SH3RF2: variants seen among roughly 807,000 people sequenced by gnomAD.
SH3RF2 encodes E3 ubiquitin-protein ligase SH3RF2.
Under a neutral mutation model 59.0 loss-of-function variants are expected in SH3RF2, and 43 were observed. The ratio of observed to expected loss-of-function variants is 0.73; its 90% confidence interval spans 0.57 to 0.94. The LOEUF is 0.94. Ranked by LOEUF, SH3RF2 falls within the 40% of genes least tolerant of loss-of-function variation. SH3RF2 has a pLI of 0.00. For missense variants in SH3RF2, 930 were observed against 940.1 expected (o/e 0.99, Z 0.14); for synonymous variants, 391 against 391.5 (o/e 1.00, Z 0.01).
chr5:146,037,238 G>A (rs11167925), intron 5 of SH3RF2, among the ~76,000 whole-genome samples: 50,237 of 151,944 alleles, frequency 0.33, 8,831 homozygotes, highest in Non-Finnish European at 0.39. Context: ...GCCCCCTTTC[G>A]TAGATAAGGA....
intron 5 of SH3RF2, among the ~76,000 whole-genome samples, chr5:146,037,771 TTAAC>T (rs1252909961): frequency 3.9e-5 from 6 of 152,200 alleles, no homozygotes; most frequent in Admixed American, 2.0e-4. Flanking sequence ...AAGAGATAAT[TTAAC>T]TATTATATAA....
chr5:146,040,699 T>A (rs1468574112), intron 5 of SH3RF2, among the ~76,000 whole-genome samples: 1 of 152,024 alleles, frequency 6.6e-6, no homozygotes, highest in Non-Finnish European at 1.5e-5. Context: ...CATAAATGAG[T>A]TCTCTATCTC....
chr5:145,965,625 G>A (rs886199920), intron 2 of SH3RF2, among the ~76,000 whole-genome samples: 5 of 152,262 alleles, frequency 3.3e-5, no homozygotes, highest in African/African-American at 1.2e-4. Flanking sequence ...AAGAACGGAG[G>A]TAATTGGTGT....
Position 146,013,830 on chromosome 5 carries a change from G to A in SH3RF2, c.828G>A (p.Ser276=), listed in dbSNP as rs139780310. Residue 276 remains serine (S), a synonymous_variant, in exon 5 of 10, where the codon TCG becomes TCA. Coordinates refer to ENST00000359120, the MANE Select transcript of SH3RF2 (RefSeq NM_152550.4). ...CAAAAAACCTGTCCCTGGTGTCCTCGTCCTCCAGAGGCAACACGTCTACCC... is the reference window on the plus strand; with the variant it reads ...CAAAAAACCTGTCCCTGGTGTCCTCATCCTCCAGAGGCAACACGTCTACCC... ...SRTKNLSLVS[S]SSRGNTSTLR... 26 of 1,614,136 alleles carry A rather than the reference G, an allele frequency of 1.6e-5. No individual in the cohort carries two copies. The highest frequency in any genetic ancestry group is 2.2e-5 in the East Asian group (1 of 44,870).
chr5:146,028,297 A>G (rs1302898619), intron 5 of SH3RF2, among the ~76,000 whole-genome samples: 1 of 152,188 alleles, frequency 6.6e-6, no homozygotes, highest in Non-Finnish European at 1.5e-5. Context: ...ACAGGGTAGC[A>G]TTCTGGGAAC....
At chr5:145,982,427 G>A (rs1030879945) in intron 2 of SH3RF2, among the ~76,000 whole-genome samples, 2 of 152,206 alleles carry the variant, frequency 1.3e-5, no homozygotes, top group Admixed American at 1.3e-4. Context: ...TCCATGTCGA[G>A]AGGAGGCAAG....
chr5:146,056,056 C>A lies in SH3RF2; in HGVS notation c.1398C>A (p.Ser466=). ...TTWTLSTSSV[S]SQGSISEGDP... is the part of the protein sequence containing the mutation. ...GGACGTTATCCACCTCCTCTGTGTC[C>A]TCCCAAGGCAGCATTTCAGAAGGTG... Residue 466 remains serine, a synonymous_variant, in exon 8 of 10, where the codon TCC becomes TCA. Coordinates refer to ENST00000359120, the MANE Select transcript of SH3RF2 (RefSeq NM_152550.4). The A allele has an allele frequency of 6.2e-7, 1 of 1,614,226 alleles. No individual in the cohort carries two copies. Among genetic ancestry groups the A allele is most frequent in the Non-Finnish European group, 8.5e-7 (1 of 1,180,038 alleles).
intron 7 of SH3RF2, among the ~76,000 whole-genome samples, chr5:146,051,759 C>T (rs1459757314): frequency 6.6e-6 from 1 of 152,150 alleles, no homozygotes; most frequent in Non-Finnish European, 1.5e-5. Flanking sequence ...CAGTTGAATA[C>T]ATGAGTTTAG....
chr5:145,944,805 G>T (rs1407904310), intron 2 of SH3RF2, among the ~76,000 whole-genome samples: 1 of 151,992 alleles, frequency 6.6e-6, no homozygotes. Context: ...ATTGTCCATG[G>T]AACAAAATTT....
At chr5:146,055,457 G>A (rs1368230811) in intron 7 of SH3RF2, among the ~76,000 whole-genome samples, 1 of 152,346 alleles carries the variant, frequency 6.6e-6, no homozygotes, top group East Asian at 1.9e-4. Flanking sequence ...TAGCCAAAAT[G>A]ATGTGTCAGT....
chr5:146,057,968 C>A (rs779505206), intron 8 of SH3RF2, among the ~76,000 whole-genome samples: 27 of 71,790 alleles, frequency 3.8e-4, no homozygotes, highest in African/African-American at 9.5e-4. Flanking sequence ...CTCTCTCTCT[C>A]TATCTATCTA....
At chr5:146,011,233 G>C (rs539413617) in intron 4 of SH3RF2, among the ~76,000 whole-genome samples, 1 of 152,072 alleles carries the variant, frequency 6.6e-6, no homozygotes, top group Non-Finnish European at 1.5e-5. Context: ...TGTTCCATTG[G>C]TCTATATCTC....
chr5:146,054,477 TC>T (rs1030233703), intron 7 of SH3RF2, among the ~76,000 whole-genome samples: 9 of 152,322 alleles, frequency 5.9e-5, no homozygotes, highest in African/African-American at 1.9e-4. Flanking sequence ...TCAGTTGCAC[TC>T]TGGCATGGAA....
At chr5:145,963,581 A>AAC in intron 2 of SH3RF2, among the ~76,000 whole-genome samples, 1 of 152,352 alleles carries the variant, frequency 6.6e-6, no homozygotes, top group Middle Eastern at 3.4e-3. Context: ...AAACAGATGG[A>AAC]ACACAGTACA....
chr5:146,043,869 G>A (rs748028089), intron 5 of SH3RF2: 3 of 152,152 alleles, frequency 2.0e-5, no homozygotes, highest in African/African-American at 4.8e-5. Context: ...TGGGCATTTG[G>A]GGGTGTTTCT....
intron 2 of SH3RF2, among the ~76,000 whole-genome samples, chr5:145,964,053 C>T (rs1207012158): frequency 3.3e-5 from 5 of 151,802 alleles, no homozygotes; most frequent in East Asian, 3.9e-4. Flanking sequence ...AGGATGGTCT[C>T]GATCTCCTGA....
At chr5:146,039,177 A>G (rs1368912039) in intron 5 of SH3RF2, among the ~76,000 whole-genome samples, 1 of 152,228 alleles carries the variant, frequency 6.6e-6, no homozygotes, top group Non-Finnish European at 1.5e-5. Context: ...TGTGAAAGGC[A>G]AAACTATAAA....
intron 2 of SH3RF2, among the ~76,000 whole-genome samples, chr5:145,963,286 GGATT>G (rs150411809): frequency 0.03 from 4,347 of 143,358 alleles, 206 homozygotes; most frequent in African/African-American, 0.11. Flanking sequence ...ATGGATGGAT[GGATT>G]AATAACTATA....
downstream of SH3RF2, among the ~76,000 whole-genome samples, chr5:146,064,763 G>GAAGGAAGGAAGGAAGGA (rs1763036151): frequency 2.5e-4 from 3 of 11,766 alleles, 1 homozygote; most frequent in East Asian, 9.7e-3. Context: ...AGGAAGGAAG[G>GAAGGAAGGAAGGAAGGA]AAGGAAGGAA....
Sources: gnomAD v4.1 joint callset for allele counts (sites outside exome capture counted in the v4.1 genomes callset) on GRCh38, gnomAD v4.1.1 for gene constraint, MANE v1.5 for transcripts, NCBI Gene and HGNC (gene_info 2026-07-23, HGNC 2026-07-21) for gene names.